Variants in ERC1 observed in about 807,000 individuals in gnomAD.
ERC1 encodes the protein RAB6 interacting protein 2.
In ERC1, 56 loss-of-function variants were observed where a neutral mutation model predicts 132.0. That is an observed-to-expected ratio of 0.42 (90% CI 0.34 to 0.53). The LOEUF is 0.53. ERC1 is among the 20% of genes least tolerant of loss of function. The pLI, the probability that ERC1 is intolerant of heterozygous loss-of-function variation, is 0.03. For synonymous variants in ERC1, 478 were observed against 476.1 expected, an observed-to-expected ratio of 1.00 and a Z score of -0.05; for missense variants, 1,202 against 1,349.9, an observed-to-expected ratio of 0.89 and a Z score of 1.72.
chr12:1,009,421 A>T (rs552153313), intron 1 of ERC1, among the ~76,000 whole-genome samples: 5 of 151,932 alleles, frequency 3.3e-5, no homozygotes, highest in African/African-American at 4.8e-5. Flanking sequence ...TGATCCGCCC[A>T]CCTCGGCCTC....
intron 2 of ERC1, among the ~76,000 whole-genome samples, chr12:1,080,347 A>G (rs978336946): frequency 6.6e-6 from 1 of 152,222 alleles, no homozygotes; most frequent in Non-Finnish European, 1.5e-5. Context: ...CGACTGCTCT[A>G]GATACCTCAT....
At chr12:1,447,530 A>G (rs1451720211) in intron 18 of ERC1, among the ~76,000 whole-genome samples, 1 of 148,380 alleles carries the variant, frequency 6.7e-6, no homozygotes, top group Admixed American at 6.6e-5. Flanking sequence ...ACAAACAAAC[A>G]GCAACAACAA....
chr12:1,290,207 C>T (rs1488630078), intron 15 of ERC1, among the ~76,000 whole-genome samples, 195 bp downstream of exon 15: 6 of 152,172 alleles, frequency 3.9e-5, no homozygotes, highest in African/African-American at 1.4e-4. Context: ...TTTTTGGTTC[C>T]TCTTTAATGA....
chr12:1,032,018 C>T (rs1968136708), intron 2 of ERC1, among the ~76,000 whole-genome samples: 1 of 150,342 alleles, frequency 6.7e-6, no homozygotes, highest in Non-Finnish European at 1.5e-5. Flanking sequence ...CTCTTGGGAT[C>T]TTTAGAATTT....
intron 18 of ERC1, among the ~76,000 whole-genome samples, chr12:1,456,879 A>T (rs1360155526): frequency 6.6e-6 from 1 of 152,080 alleles, no homozygotes; most frequent in Non-Finnish European, 1.5e-5. Context: ...AATTCTAATA[A>T]TCTAGAGAAA....
intron 18 of ERC1, among the ~76,000 whole-genome samples, chr12:1,472,082 G>A (rs2093873844): frequency 6.6e-6 from 1 of 152,212 alleles, no homozygotes; most frequent in African/African-American, 2.4e-5. Flanking sequence ...TGTTTTGGGT[G>A]TAGCATTTGT....
chr12:1,184,794 C>G (rs1053807983), intron 11 of ERC1, among the ~76,000 whole-genome samples: 2 of 152,114 alleles, frequency 1.3e-5, no homozygotes, highest in African/African-American at 2.4e-5. Context: ...GCTCTGTCGT[C>G]CAGGCTGGAG....
At chr12:1,395,641 G>A (rs1304015346) in intron 16 of ERC1, among the ~76,000 whole-genome samples, 1 of 146,840 alleles carries the variant, frequency 6.8e-6, no homozygotes, top group Non-Finnish European at 1.5e-5. Flanking sequence ...TATAAGCTAT[G>A]TTTGTAAGTC....
At chr12:1,201,594 G>T (rs566032411) in intron 12 of ERC1, among the ~76,000 whole-genome samples, 2 of 152,222 alleles carry the variant, frequency 1.3e-5, no homozygotes, top group South Asian at 4.1e-4. Context: ...TGGGCTTTAT[G>T]ATATTACTTT....
intron 17 of ERC1, among the ~76,000 whole-genome samples, chr12:1,427,168 CAAGA>C (rs2092666807): frequency 6.6e-6 from 1 of 152,072 alleles, no homozygotes; most frequent in Non-Finnish European, 1.5e-5. Flanking sequence ...CTCAAGCAGA[CAAGA>C]AAGGAGTAGG....
chr12:1,440,403 T>A (rs1185239239), intron 17 of ERC1, among the ~76,000 whole-genome samples: 1 of 150,946 alleles, frequency 6.6e-6, no homozygotes, highest in Admixed American at 6.6e-5. Flanking sequence ...AGACGGGGTT[T>A]CACCGTGTTA....
At chr12:1,299,960 A>T (rs1594855316) in intron 15 of ERC1, among the ~76,000 whole-genome samples, 1 of 152,358 alleles carries the variant, frequency 6.6e-6, no homozygotes, top group East Asian at 1.9e-4. Context: ...TATCTATTAA[A>T]GAAATTGAAT....
At chr12:1,234,422 C>T (rs1412875058) in intron 12 of ERC1, among the ~76,000 whole-genome samples, 1 of 152,132 alleles carries the variant, frequency 6.6e-6, no homozygotes, top group Non-Finnish European at 1.5e-5. Flanking sequence ...TGGGATATAG[C>T]CCAATGGTAA....
intron 12 of ERC1, 52 bp from the exon 13 acceptor site, chr12:1,236,717 T>G: frequency 1.9e-6 from 3 of 1,553,150 alleles, no homozygotes; most frequent in Non-Finnish European, 2.6e-6. Context: ...ATAAACATAT[T>G]TGTTTCTATA....
At position 1,027,891 on chromosome 12, in the gene ERC1, T is replaced by C; in HGVS notation, c.-13T>C. ...GTTGATTTTCTGCTCACACCTTTCC[T>C]GACCTTGCAACCATGTATGGAAGTG... On this transcript the variant is annotated 5_prime_UTR_variant, in exon 2 of 19. Transcript: ENST00000360905. 1 of 1,584,940 alleles carries C rather than the reference T, an allele frequency of 6.3e-7. No homozygotes were observed. Among genetic ancestry groups the C allele is most frequent in the Non-Finnish European group, 8.6e-7 (1 of 1,163,182 alleles).
chr12:1,417,974 T>G (rs1425737678), intron 17 of ERC1, among the ~76,000 whole-genome samples: 3 of 152,086 alleles, frequency 2.0e-5, no homozygotes, highest in Admixed American at 1.3e-4. Context: ...TCCTAAGAGA[T>G]AGATACCATT....
intron 15 of ERC1, among the ~76,000 whole-genome samples, chr12:1,341,016 A>C (rs2083786006): frequency 6.7e-6 from 1 of 148,766 alleles, no homozygotes; most frequent in Admixed American, 6.7e-5. Context: ...TTTAAAACAT[A>C]GAATATTAAC....
chr12:1,410,356 G>C, intron 17 of ERC1: 1 of 1,076,170 alleles, frequency 9.3e-7, no homozygotes, highest in Non-Finnish European at 1.3e-6. Context: ...GCTGCCCTGG[G>C]GCATTGCCCC....
At chr12:1,175,354 A>G (rs888544709) in intron 8 of ERC1, among the ~76,000 whole-genome samples, 3 of 151,982 alleles carry the variant, frequency 2.0e-5, no homozygotes, top group African/African-American at 4.8e-5. Flanking sequence ...ATTAGAGTCA[A>G]TCCTCTCAAC....
Sources: allele counts gnomAD v4.1 joint callset (sites outside exome capture counted in the v4.1 genomes callset), GRCh38; gene constraint gnomAD v4.1.1; transcripts MANE v1.5; gene names NCBI Gene and HGNC (gene_info 2026-07-23, HGNC 2026-07-21).